Variants in DAB1 observed in about 807,000 individuals in gnomAD.
The protein encoded by DAB1 is disabled homolog 1.
A neutral mutation model predicts 64.6 loss-of-function variants in DAB1; 15 were observed. That is an observed-to-expected ratio of 0.23 (90% CI 0.16 to 0.36). The LOEUF (loss-of-function observed/expected upper bound fraction) is 0.36. Among genes scored for constraint, DAB1 ranks in the 10% least tolerant of loss-of-function variants. The pLI is 1.00. For missense variants in DAB1, 596 were observed against 706.7 expected, an observed-to-expected ratio of 0.84 and a Z score of 1.78; for synonymous variants, 235 against 251.9, an observed-to-expected ratio of 0.93 and a Z score of 0.64.
At chr1:58,097,863 C>A (rs139308483) in intron 5 of DAB1, among the ~76,000 whole-genome samples, 2 of 152,098 alleles carry the variant, frequency 1.3e-5, no homozygotes, top group Non-Finnish European at 2.9e-5. Flanking sequence ...AGCTTGAAAG[C>A]CACCAAGCCC....
intron 6 of DAB1, among the ~76,000 whole-genome samples, chr1:57,766,451 A>G (rs11207104): frequency 0.2 from 29,782 of 151,760 alleles, 3,309 homozygotes; most frequent in Admixed American, 0.3. Context: ...GCTCCTCCAG[A>G]CTCACTGGTC....
chr1:58,230,047 C>A (rs766242221), intron 4 of DAB1, among the ~76,000 whole-genome samples: 2 of 152,174 alleles, frequency 1.3e-5, no homozygotes, highest in African/African-American at 2.4e-5. Context: ...CCCTACATCA[C>A]GCCATTGCTC....
intron 3 of DAB1, among the ~76,000 whole-genome samples, chr1:58,396,329 C>T (rs1276482928): frequency 6.6e-6 from 1 of 152,080 alleles, no homozygotes; most frequent in Non-Finnish European, 1.5e-5. Flanking sequence ...CGATTACCCA[C>T]CAAAGTGTTT....
intron 4 of DAB1, among the ~76,000 whole-genome samples, chr1:58,194,640 G>A (rs1413041778): frequency 6.6e-6 from 1 of 152,200 alleles, no homozygotes; most frequent in African/African-American, 2.4e-5. Flanking sequence ...CTCTACTGCT[G>A]ACTGCTGACT....
intron 5 of DAB1, among the ~76,000 whole-genome samples, chr1:57,933,091 T>C (rs1228188004): frequency 3.3e-5 from 5 of 152,224 alleles, no homozygotes; most frequent in Admixed American, 2.6e-4. Flanking sequence ...TTATTAGAGA[T>C]AAAACCCACA....
chr1:57,201,754 T>C (rs1665117210), intron 2 of DAB1, among the ~76,000 whole-genome samples: 1 of 152,188 alleles, frequency 6.6e-6, no homozygotes, highest in Admixed American at 6.5e-5. Context: ...GCTGGATGTC[T>C]TTCATATTCA....
chr1:57,300,290 G>C (rs1328948723), intron 1 of DAB1, among the ~76,000 whole-genome samples: 3 of 152,134 alleles, frequency 2.0e-5, no homozygotes, highest in African/African-American at 7.2e-5. Context: ...ATTAGGGAGG[G>C]AAAAAGAGAC....
At chr1:57,406,115 C>T (rs1683618781) in intron 1 of DAB1, among the ~76,000 whole-genome samples, 1 of 152,208 alleles carries the variant, frequency 6.6e-6, no homozygotes, top group Non-Finnish European at 1.5e-5. Flanking sequence ...TCATGGTCCC[C>T]TGATGGAGAA....
At chr1:57,309,792 C>T (rs544909999) in intron 1 of DAB1, among the ~76,000 whole-genome samples, 150 of 152,340 alleles carry the variant, frequency 9.8e-4, no homozygotes, top group African/African-American at 3.5e-3. Flanking sequence ...ACAGACAGCC[C>T]TCCTGGCCCT....
chr1:57,551,982 G>A (rs973868396), intron 7 of DAB1, among the ~76,000 whole-genome samples: 1 of 152,124 alleles, frequency 6.6e-6, no homozygotes, highest in African/African-American at 2.4e-5. Flanking sequence ...AACCAAGAGC[G>A]CACAGGAAGA....
At chr1:57,077,581 T>G (rs1415051731) in intron 4 of DAB1, among the ~76,000 whole-genome samples, 1 of 152,230 alleles carries the variant, frequency 6.6e-6, no homozygotes, top group Non-Finnish European at 1.5e-5. Context: ...AGAGAATTTC[T>G]TATCTGATCA....
chr1:57,345,473 G>A (rs1207102983), intron 1 of DAB1, among the ~76,000 whole-genome samples: 2 of 152,190 alleles, frequency 1.3e-5, no homozygotes, highest in African/African-American at 4.8e-5. Context: ...AGAACCAACA[G>A]GGGTGACTGA....
At chr1:57,553,411 A>AAAGG (rs1644940836) in intron 7 of DAB1, among the ~76,000 whole-genome samples, 1 of 11,546 alleles carries the variant, frequency 8.7e-5, no homozygotes, top group East Asian at 0.042. Flanking sequence ...AGAAAGAAAG[A>AAAGG]AAGAAAGAAA....
intron 7 of DAB1, among the ~76,000 whole-genome samples, chr1:57,514,670 G>T (rs922687729): frequency 5.9e-5 from 9 of 152,158 alleles, no homozygotes; most frequent in Non-Finnish European, 2.9e-5. Flanking sequence ...TAGTGCCTCT[G>T]GGGGGATGTT....
intron 6 of DAB1, among the ~76,000 whole-genome samples, chr1:57,653,960 G>A (rs866889305): frequency 2.0e-4 from 31 of 152,088 alleles, no homozygotes; most frequent in African/African-American, 6.0e-4. Flanking sequence ...CCAATCTGGC[G>A]TTAGTTCACA....
At chr1:57,381,644 A>G (rs901993062) in intron 1 of DAB1, among the ~76,000 whole-genome samples, 5 of 152,116 alleles carry the variant, frequency 3.3e-5, no homozygotes, top group African/African-American at 9.7e-5. Flanking sequence ...CAGTCTCCTC[A>G]CCATTTTCTC....
rs142494485 is a variant in DAB1 at position 58,170,133 on chromosome 1, G to C, written n.310-19545C>G. On this transcript the variant is annotated intron_variant and non_coding_transcript_variant, in intron 4 of 20. Transcript: ENST00000485760. ...ATGATAGAATCACAGCCAAAGAAAG[G>C]GACAAATTCCCTACTGGTCAGCAAG... Among the ~76,000 whole-genome samples, 5 of 152,226 alleles carry C rather than the reference G, an allele frequency of 3.3e-5. No homozygotes were observed. In the East Asian group the frequency reaches 7.7e-4, roughly 24 times the overall value.
At chr1:57,480,151 C>CAA (rs745322461) in intron 7 of DAB1, among the ~76,000 whole-genome samples, 3,071 of 100,506 alleles carry the variant, frequency 0.031, 34 homozygotes, top group Admixed American at 0.045. Context: ...AACTCCGTCT[C>CAA]AAAAAAAAAA....
At chr1:58,317,520 G>A (rs1050066063) in intron 4 of DAB1, among the ~76,000 whole-genome samples, 1 of 152,240 alleles carries the variant, frequency 6.6e-6, no homozygotes, top group African/African-American at 2.4e-5. Context: ...GGAAAAAATG[G>A]ACCACTTGAG....
Sources: allele counts gnomAD v4.1 joint callset (sites outside exome capture counted in the v4.1 genomes callset), GRCh38; gene constraint gnomAD v4.1.1; transcripts MANE v1.5; gene names NCBI Gene and HGNC (gene_info 2026-07-23, HGNC 2026-07-21).